RORA: variants seen among roughly 807,000 people sequenced by gnomAD.
RORA encodes RAR related orphan receptor A, also known as nuclear receptor ROR-alpha.
RORA carries 7 observed loss-of-function variants against 69.5 expected under a neutral mutation model. The observed-to-expected ratio is 0.10, with a 90% confidence interval of 0.06 to 0.19. The LOEUF is 0.19. Among genes scored for constraint, RORA ranks in the 10% least tolerant of loss-of-function variants. The probability of loss-of-function intolerance (pLI) is 1.00; values close to 1 mark genes in which losing one functional copy is unlikely to be tolerated. For synonymous variants in RORA, 261 were observed against 240.8 expected, an observed-to-expected ratio of 1.08 and a Z score of -0.78; for missense variants, 457 against 663.0, an observed-to-expected ratio of 0.69 and a Z score of 3.41.
Position 61,147,320 on chromosome 15 carries a change from C to T in RORA, c.166+81733G>A, listed in dbSNP as rs183690720. Among the ~76,000 whole-genome samples, 37 of 152,286 alleles carry T rather than the reference C, an allele frequency of 2.4e-4. No individual in the cohort carries two copies. The highest frequency in any genetic ancestry group is 8.9e-4 in the African/African-American group (37 of 41,568). On this transcript the variant is annotated intron_variant, in intron 1 of 10. Coordinates refer to ENST00000335670, the MANE Select transcript of RORA (RefSeq NM_134261.3). This position sits in a 1 kb window ranked among gnomAD's most constrained non-coding sequence, Gnocchi z 4.1. ...ACTTTGGCCCTCTGTGGTGCCTGGC[C>T]AGTCCCACTAGGCTTGGCTCTTCCA...
chr15:60,738,344 A>T (rs2071529761), intron 1 of RORA, among the ~76,000 whole-genome samples: 1 of 151,992 alleles, frequency 6.6e-6, no homozygotes, highest in Non-Finnish European at 1.5e-5. Flanking sequence ...AGTTACACAG[A>T]CTATTACACT....
At chr15:61,205,559 G>A (rs1224412017) in intron 1 of RORA, among the ~76,000 whole-genome samples, 3 of 152,170 alleles carry the variant, frequency 2.0e-5, no homozygotes, top group African/African-American at 7.2e-5. Context: ...AAAATCTCAC[G>A]GAGTTCTCTA....
At chr15:60,987,947 T>C (rs1894258184) in intron 1 of RORA, among the ~76,000 whole-genome samples, 1 of 152,208 alleles carries the variant, frequency 6.6e-6, no homozygotes, top group South Asian at 2.1e-4. Context: ...GTGCAAATAC[T>C]GATTGATGGG....
At chr15:61,119,389 GTATA>G (rs10553428) in intron 1 of RORA, among the ~76,000 whole-genome samples, 99,519 of 147,578 alleles carry the variant, frequency 0.67, 33,514 homozygotes, top group South Asian at 0.74. Flanking sequence ...TTTTGTATAT[GTATA>G]TATATATATA....
intron 1 of RORA, among the ~76,000 whole-genome samples, chr15:60,843,211 C>G (rs900107173): frequency 6.6e-6 from 1 of 152,182 alleles, no homozygotes; most frequent in African/African-American, 2.4e-5. Context: ...CACAAACATG[C>G]ACAAATCTCA....
At chr15:60,605,739 G>A (rs2140566298) in intron 2 of RORA, among the ~76,000 whole-genome samples, 1 of 152,260 alleles carries the variant, frequency 6.6e-6, no homozygotes, top group South Asian at 2.1e-4. Flanking sequence ...AAACCACAGA[G>A]TAAATAATGA....
chr15:61,194,078 A>C (rs1455543550), intron 1 of RORA: 1 of 152,212 alleles, frequency 6.6e-6, no homozygotes, highest in Non-Finnish European at 1.5e-5. Flanking sequence ...AAGCGCACGA[A>C]GTCCAACGTG....
rs79436835 is a variant in RORA at position 60,646,776 on chromosome 15, G to A, written c.196+31881C>T. Among the ~76,000 whole-genome samples, 400 of 152,302 alleles carry A rather than the reference G, an allele frequency of 2.6e-3. 3 individuals are homozygous for A. The highest frequency in any genetic ancestry group is 9.0e-3 in the African/African-American group (375 of 41,556). ...GATTGCACATGGGGCGTGGGCATCA[G>A]AAACTGGAAAGTCTCACCCTGCCCA... On this transcript the variant is annotated intron_variant, in intron 2 of 10. Transcript: ENST00000335670.
At chr15:60,600,334 A>G (rs1194849549) in intron 2 of RORA, among the ~76,000 whole-genome samples, 1 of 152,206 alleles carries the variant, frequency 6.6e-6, no homozygotes, top group Non-Finnish European at 1.5e-5. Flanking sequence ...GTTCCTGTTC[A>G]GTCAAGCAAA....
intron 2 of RORA, among the ~76,000 whole-genome samples, chr15:60,592,020 C>T (rs2068533137): frequency 1.3e-5 from 2 of 152,136 alleles, no homozygotes; most frequent in South Asian, 4.1e-4. Flanking sequence ...CGCGGGCGTC[C>T]CCGGCTTCCT....
intron 1 of RORA, among the ~76,000 whole-genome samples, chr15:60,700,008 G>A (rs982526961): frequency 1.3e-5 from 2 of 152,052 alleles, no homozygotes; most frequent in African/African-American, 4.8e-5. Context: ...TTTTTTGTCC[G>A]GAAGGAAAGC....
At chr15:61,104,229 C>A (rs1202182793) in intron 1 of RORA, among the ~76,000 whole-genome samples, 1 of 152,200 alleles carries the variant, frequency 6.6e-6, no homozygotes, top group Non-Finnish European at 1.5e-5. Flanking sequence ...CACCTTCACG[C>A]TATGCAGACA....
At chr15:60,812,753 A>G (rs1479128199) in intron 1 of RORA, among the ~76,000 whole-genome samples, 1 of 152,230 alleles carries the variant, frequency 6.6e-6, no homozygotes, top group Non-Finnish European at 1.5e-5. Flanking sequence ...CTGTAAATTC[A>G]GCACCTAGCA....
intron 1 of RORA, among the ~76,000 whole-genome samples, chr15:60,857,081 C>T (rs907445502): frequency 1.3e-5 from 2 of 152,150 alleles, no homozygotes; most frequent in African/African-American, 4.8e-5. Context: ...GGGAGAGCAT[C>T]CAGGGATGAA....
chr15:60,898,522 A>ACT (rs1891294045), intron 1 of RORA, among the ~76,000 whole-genome samples: 10 of 150,266 alleles, frequency 6.7e-5, no homozygotes, highest in Admixed American at 2.6e-4. Flanking sequence ...TAAATAAATA[A>ACT]ATAAATAAAT....
chr15:60,757,911 A>C (rs78835297), intron 1 of RORA, among the ~76,000 whole-genome samples: 4,357 of 152,156 alleles, frequency 0.029, 210 homozygotes, highest in African/African-American at 0.1. Context: ...ACATTCACCC[A>C]CATGGAGATG....
chr15:60,591,949 G>C (rs934871963), intron 2 of RORA, among the ~76,000 whole-genome samples: 1 of 152,058 alleles, frequency 6.6e-6, no homozygotes, highest in South Asian at 2.1e-4. Flanking sequence ...GGCCCTGCCC[G>C]GCCGCGGCGC....
At chr15:60,875,900 C>T (rs1279358679) in intron 1 of RORA, among the ~76,000 whole-genome samples, 1 of 152,130 alleles carries the variant, frequency 6.6e-6, no homozygotes, top group African/African-American at 2.4e-5. Context: ...ATGGCAGGCT[C>T]CAGTGGACCA....
At chr15:60,704,189 CG>C (rs1165654911) in intron 1 of RORA, among the ~76,000 whole-genome samples, 5 of 152,244 alleles carry the variant, frequency 3.3e-5, no homozygotes, top group African/African-American at 4.8e-5. Flanking sequence ...CTTCAATAGA[CG>C]AAGTCTAAAG....
Sources: allele counts gnomAD v4.1 joint callset (sites outside exome capture counted in the v4.1 genomes callset), GRCh38; gene constraint gnomAD v4.1.1; non-coding constraint Gnocchi (gnomAD v3.1); transcripts MANE v1.5; gene names NCBI Gene and HGNC (gene_info 2026-07-23, HGNC 2026-07-21).